Variants in STX18 observed in about 807,000 individuals in gnomAD.
The protein encoded by STX18 is syntaxin 18.
In STX18, 40 loss-of-function variants were observed where a neutral mutation model predicts 50.1. The ratio of observed to expected loss-of-function variants is 0.80; its 90% CI spans 0.62 to 1.04. STX18 has a LOEUF of 1.04. Ranked by LOEUF, STX18 falls within the 50% of genes least tolerant of loss-of-function variation. The pLI is 0.00. For missense variants in STX18, 410 were observed against 415.8 expected, an observed-to-expected ratio of 0.99 and a Z score of 0.12; for synonymous variants, 158 against 151.8, an observed-to-expected ratio of 1.04 and a Z score of -0.30.
intron 1 of STX18, among the ~76,000 whole-genome samples, chr4:4,475,442 A>G (rs1728129741): frequency 6.7e-6 from 1 of 149,088 alleles, no homozygotes; most frequent in South Asian, 2.1e-4. Flanking sequence ...GAGAGCTCTG[A>G]ATTTTCTATT....
intron 1 of STX18, among the ~76,000 whole-genome samples, chr4:4,515,565 C>A (rs1317170947): frequency 2.6e-5 from 4 of 152,026 alleles, no homozygotes; most frequent in Non-Finnish European, 5.9e-5. Context: ...GTATTTTATA[C>A]TGGATACCAG....
At chr4:4,485,810 G>A (rs1728675384) in intron 1 of STX18, among the ~76,000 whole-genome samples, 1 of 152,154 alleles carries the variant, frequency 6.6e-6, no homozygotes, top group African/African-American at 2.4e-5. Context: ...TGTCCCCTAT[G>A]CGCTCTCCTC....
chr4:4,514,133 A>G (rs1052877585), intron 1 of STX18, among the ~76,000 whole-genome samples: 3 of 152,224 alleles, frequency 2.0e-5, no homozygotes, highest in African/African-American at 7.2e-5. Context: ...CCTTGAAAGT[A>G]GTAAGTATTC....
chr4:4,447,207 G>T (rs1474854991), intron 5 of STX18, among the ~76,000 whole-genome samples: 1 of 152,126 alleles, frequency 6.6e-6, no homozygotes, highest in Non-Finnish European at 1.5e-5. Context: ...AGCTTGACAA[G>T]ATACTCATCT....
intron 1 of STX18, among the ~76,000 whole-genome samples, chr4:4,529,209 C>G (rs1209100737): frequency 1.3e-5 from 2 of 151,922 alleles, no homozygotes; most frequent in Non-Finnish European, 2.9e-5. Flanking sequence ...TAAAAATACA[C>G]AAATTAGCCG....
intron 1 of STX18, among the ~76,000 whole-genome samples, chr4:4,495,341 G>A (rs543316246): frequency 2.6e-5 from 4 of 152,178 alleles, no homozygotes; most frequent in East Asian, 3.9e-4. Context: ...TGATGGGGAC[G>A]CAAGATGGCA....
chr4:4,465,967 A>C (rs1727601681), intron 2 of STX18, among the ~76,000 whole-genome samples: 1 of 152,246 alleles, frequency 6.6e-6, no homozygotes, highest in Non-Finnish European at 1.5e-5. Flanking sequence ...CAGAATGAAT[A>C]AGCTGATTAA....
Position 4,537,025 on chromosome 4 carries a change from T to G in STX18, c.168+4772A>C, listed in dbSNP as rs550944449. On this transcript the variant is annotated intron_variant, in intron 1 of 10. Transcript: ENST00000306200. ...GGCAGACCTGCGGCTAGAACATGGG[T>G]TCCTGCTTTCCTGTGCGGTGCTCTT... Among the ~76,000 whole-genome samples, 224 of 152,272 alleles carry G rather than the reference T, an allele frequency of 1.5e-3. 1 individual carries two copies. The highest frequency in any genetic ancestry group is 2.9e-3 in the Admixed American group (44 of 15,304).
chr4:4,426,739 A>G (rs1725259766), intron 7 of STX18: 1 of 152,336 alleles, frequency 6.6e-6, no homozygotes, highest in South Asian at 2.1e-4. Context: ...ACCGTTTCTC[A>G]CTTGCCTCCA....
intron 5 of STX18, among the ~76,000 whole-genome samples, chr4:4,440,545 T>C (rs1726051053): frequency 6.6e-6 from 1 of 152,222 alleles, no homozygotes; most frequent in Admixed American, 6.5e-5. Flanking sequence ...ACTTCTGTGG[T>C]CGAATCAGTC....
intron 5 of STX18, chr4:4,453,622 T>C: frequency 2.1e-6 from 2 of 957,336 alleles, no homozygotes; most frequent in Non-Finnish European, 2.5e-6. Context: ...GAACCACACC[T>C]GTGATATCTC....
At chr4:4,433,999 TA>T (rs1325685377) in intron 7 of STX18, among the ~76,000 whole-genome samples, 4 of 152,196 alleles carry the variant, frequency 2.6e-5, no homozygotes, top group African/African-American at 9.6e-5. Context: ...GTGCAATTAT[TA>T]AAAGTATCAT....
chr4:4,541,265 C>G (rs773493830), intron 1 of STX18, among the ~76,000 whole-genome samples: 1 of 152,198 alleles, frequency 6.6e-6, no homozygotes, highest in African/African-American at 2.4e-5. Context: ...GACTGTAACA[C>G]TGTGTTTGCG....
At chr4:4,507,894 T>C in intron 1 of STX18, 3 of 527,962 alleles carry the variant, frequency 5.7e-6, no homozygotes, top group Non-Finnish European at 9.9e-6. Flanking sequence ...CCTTATGTTC[T>C]AGCCTAGAAA....
chr4:4,449,351 C>T (rs1726623655), intron 5 of STX18, among the ~76,000 whole-genome samples: 2 of 151,976 alleles, frequency 1.3e-5, no homozygotes, highest in South Asian at 2.1e-4. Context: ...GTGCACGGCA[C>T]CCCCCCACCC....
chr4:4,466,621 G>A (rs1727634568), intron 2 of STX18, among the ~76,000 whole-genome samples: 1 of 152,144 alleles, frequency 6.6e-6, no homozygotes, highest in South Asian at 2.1e-4. Flanking sequence ...GGAGGAGCGG[G>A]CAGCATGCAT....
At chr4:4,454,314 G>A (rs890324370) in intron 5 of STX18, among the ~76,000 whole-genome samples, 9 of 152,218 alleles carry the variant, frequency 5.9e-5, no homozygotes, top group Non-Finnish European at 8.8e-5. Context: ...TATGTGGCAG[G>A]AGACAAGGCT....
intron 5 of STX18, among the ~76,000 whole-genome samples, chr4:4,447,705 T>A (rs543388484): frequency 9.0e-4 from 131 of 145,284 alleles, no homozygotes; most frequent in Middle Eastern, 3.5e-3. Context: ...ACAGTCTACA[T>A]CACATAGTAA....
chr4:4,476,890 T>A (rs536323439), intron 1 of STX18, among the ~76,000 whole-genome samples: 1 of 152,098 alleles, frequency 6.6e-6, no homozygotes, highest in South Asian at 2.1e-4. Flanking sequence ...AAATTTTCCA[T>A]AATAACATGT....
Sources: allele counts gnomAD v4.1 joint callset (sites outside exome capture counted in the v4.1 genomes callset), GRCh38; gene constraint gnomAD v4.1.1; transcripts MANE v1.5; gene names NCBI Gene and HGNC (gene_info 2026-07-23, HGNC 2026-07-21).